Variants in ZNF717 observed in about 807,000 individuals in gnomAD.
The protein encoded by ZNF717 is krueppel-like factor X17.
ZNF717 carries 9 observed loss-of-function variants against 13.8 expected under a neutral mutation model. The observed-to-expected ratio is 0.65, with a 90% confidence interval of 0.39 to 1.14. The LOEUF is 1.14. Ranked by LOEUF, ZNF717 falls within the 50% of genes most tolerant of loss-of-function variation. The probability of loss-of-function intolerance (pLI) is 0.01; values close to 1 mark genes in which losing one functional copy is unlikely to be tolerated. For missense variants in ZNF717, 1,040 were observed against 1,080.7 expected, an observed-to-expected ratio of 0.96 and a Z score of 0.53; for synonymous variants, 327 against 364.1, an observed-to-expected ratio of 0.90 and a Z score of 1.16.
Position 75,741,652 on chromosome 3 carries a change from T to C in ZNF717, c.142A>G (p.Arg48Gly). The change falls in exon 3 of 5, where the codon AGG becomes GGG. Residue 48 changes from arginine (R) to glycine (G), a missense_variant. Physicochemically the swap from Arg to Gly is moderately radical, Grantham distance 125. Around this residue, in one of 3 missense-constraint regions of ZNF717, gnomAD observed 123 missense variants for 177.8 expected, o/e 0.69. Coordinates refer to ENST00000652011, the MANE Select transcript of ZNF717 (RefSeq NM_001290208.3). Reference sequence around the variant, plus strand: ...CTGTAGGTCTCCAGCATCACGTCCCTGTACAGGGTCCTCTGAGCATCATCC... The same window carrying C: ...CTGTAGGTCTCCAGCATCACGTCCCCGTACAGGGTCCTCTGAGCATCATCC... ...DLDDAQRTLYRDVMLETYSSL... is the reference protein window; with the variant it reads ...DLDDAQRTLYGDVMLETYSSL... The C allele has an allele frequency of 6.2e-7, 1 of 1,601,720 alleles. No individual in the cohort carries two copies. The highest frequency in any genetic ancestry group is 1.3e-5 in the African/African-American group (1 of 74,686).
chr3:75,757,643 G>T (rs6797806), intron 2 of ZNF717, among the ~76,000 whole-genome samples: 39,822 of 151,222 alleles, frequency 0.26, 5,709 homozygotes, highest in African/African-American at 0.39. Context: ...AAAGAATAAT[G>T]TCAACTTTCA....
chr3:75,782,148 AG>A (rs1308564787), intron 2 of ZNF717, among the ~76,000 whole-genome samples: 1 of 152,216 alleles, frequency 6.6e-6, no homozygotes, highest in Non-Finnish European at 1.5e-5. Context: ...GACTCGAGTA[AG>A]GCAATCACAG....
intron 2 of ZNF717, among the ~76,000 whole-genome samples, chr3:75,775,128 A>AT (rs113414485): frequency 5.2e-5 from 7 of 134,396 alleles, no homozygotes; most frequent in East Asian, 4.4e-4. Context: ...CACCAGGCTA[A>AT]TTTTTTTTTA....
chr3:75,724,246 C>G (rs1236142407), intron 4 of ZNF717, among the ~76,000 whole-genome samples: 2 of 152,014 alleles, frequency 1.3e-5, no homozygotes, highest in African/African-American at 4.8e-5. Flanking sequence ...CTAGTCTCCA[C>G]GTCTTGGTGG....
intron 2 of ZNF717, among the ~76,000 whole-genome samples, chr3:75,746,901 C>A (rs367675221): frequency 1.3e-5 from 2 of 152,128 alleles, no homozygotes; most frequent in African/African-American, 2.4e-5. Flanking sequence ...GCTTTTGTTG[C>A]CATTGCTTTT....
intron 5 of ZNF717, among the ~76,000 whole-genome samples, chr3:75,715,773 A>G (rs1373396965): frequency 3.3e-5 from 5 of 152,194 alleles, no homozygotes; most frequent in Admixed American, 2.0e-4. Flanking sequence ...AGAGGTATAC[A>G]GAGAACTTAG....
downstream of ZNF717, among the ~76,000 whole-genome samples, chr3:75,707,958 G>A (rs1446221259): frequency 4.6e-5 from 7 of 151,974 alleles, no homozygotes; most frequent in East Asian, 1.9e-4. Flanking sequence ...CGGGAAGCTC[G>A]AACTGGATGG....
intron 2 of ZNF717, among the ~76,000 whole-genome samples, chr3:75,772,337 T>G (rs919449330): frequency 1.3e-5 from 2 of 152,244 alleles, no homozygotes; most frequent in African/African-American, 4.8e-5. Flanking sequence ...CCAGCAGCGC[T>G]GAAAGAGGTG....
intron 2 of ZNF717, among the ~76,000 whole-genome samples, chr3:75,771,392 T>A (rs1020423796): frequency 6.6e-6 from 1 of 152,262 alleles, no homozygotes; most frequent in Non-Finnish European, 1.5e-5. Context: ...GGGGGCTGCC[T>A]GACTCCTGAA....
rs111381670 is a variant in ZNF717, at chr3:75,737,325, G to C, written c.2298C>G (p.Thr766=). 1 of 1,552,618 alleles carries C rather than the reference G, an allele frequency of 6.4e-7. No homozygotes were observed. Among genetic ancestry groups the C allele is most frequent in the Admixed American group, 2.0e-5 (1 of 51,038 alleles). ...KPYECNECGK[T]FCHKSNLSTH... ...TACTGAGGTTTGACTTGTGACAAAA[G>C]GTTTTCCCACACTCATTACATTCAT... The change falls in exon 5 of 5, where the codon ACC becomes ACG. Residue 766 remains threonine (T), a synonymous_variant. Transcript: ENST00000652011.
chr3:75,773,387 A>G (rs1944046473), intron 2 of ZNF717, among the ~76,000 whole-genome samples: 2 of 152,234 alleles, frequency 1.3e-5, no homozygotes, highest in Admixed American at 1.3e-4. Flanking sequence ...GAACATTCCA[A>G]ATGAATAATG....
Position 75,738,893 on chromosome 3 carries a change from T to C in ZNF717, c.730A>G (p.Lys244Glu). Residue 244 changes from lysine to glutamate, a missense_variant, in exon 5 of 5, where the codon AAA becomes GAA. Physicochemically the swap from Lys to Glu is moderately conservative, Grantham distance 56 (BLOSUM62 1). Around this residue, in one of 3 missense-constraint regions of ZNF717, gnomAD observed 873 missense variants for 832.8 expected, o/e 1.05. Transcript: ENST00000652011. ...ATAACAGCTGAGTTATTACAGGCTTTCTCATATTCATTATATTTACCAAAG... is the reference window on the plus strand; with the variant it reads ...ATAACAGCTGAGTTATTACAGGCTTCCTCATATTCATTATATTTACCAAAG... ...QTFGKYNEYEKACNNSAVIVQ... is the reference protein window; with the variant it reads ...QTFGKYNEYEEACNNSAVIVQ... 2 of 1,551,536 alleles carry C rather than the reference T, an allele frequency of 1.3e-6. No individual in the cohort carries two copies. Among genetic ancestry groups the C allele is most frequent in the Admixed American group, 2.0e-5 (1 of 51,004 alleles).
chr3:75,781,056 TAA>T, intron 2 of ZNF717, among the ~76,000 whole-genome samples: 1 of 152,352 alleles, frequency 6.6e-6, no homozygotes, highest in African/African-American at 2.4e-5. Context: ...ATTGAGAAAA[TAA>T]CCAAAGGGAA....
exon 6 of ZNF717, chr3:75,730,345 G>A (rs1307567146): frequency 1.8e-5 from 6 of 333,570 alleles, no homozygotes; most frequent in Non-Finnish European, 2.1e-5. Flanking sequence ...GAATAGGGAA[G>A]CAATAGTTAA....
intron 5 of ZNF717, among the ~76,000 whole-genome samples, chr3:75,714,766 G>GATA (rs1211210075): frequency 6.6e-6 from 1 of 151,978 alleles, no homozygotes; most frequent in African/African-American, 2.4e-5. Flanking sequence ...ATTTATCACA[G>GATA]ATTTAATTAA....
At chr3:75,774,317 A>T (rs1944136836) in intron 2 of ZNF717, among the ~76,000 whole-genome samples, 1 of 152,102 alleles carries the variant, frequency 6.6e-6, no homozygotes, top group Admixed American at 6.5e-5. Context: ...TGAATGACTT[A>T]CGGTGACCTG....
At chr3:75,740,507 C>T (rs1451390600) in intron 4 of ZNF717, among the ~76,000 whole-genome samples, 2 of 151,868 alleles carry the variant, frequency 1.3e-5, no homozygotes, top group Non-Finnish European at 2.9e-5. Context: ...TCAAGCAATC[C>T]TTCCATCTCA....
chr3:75,760,115 G>A (rs945950750), intron 2 of ZNF717, among the ~76,000 whole-genome samples: 9 of 152,086 alleles, frequency 5.9e-5, no homozygotes, highest in African/African-American at 1.7e-4. Context: ...TGCAACCTCC[G>A]CCTCCCAGAT....
chr3:75,707,898 G>A (rs1937838453), downstream of ZNF717, among the ~76,000 whole-genome samples: 1 of 152,382 alleles, frequency 6.6e-6, no homozygotes, highest in South Asian at 2.1e-4. Context: ...AGCAAGGCTG[G>A]GGGAGGGGCG....
Sources: gnomAD v4.1 joint callset for allele counts (sites outside exome capture counted in the v4.1 genomes callset) on GRCh38, gnomAD v4.1.1 for gene constraint, gnomAD v4.1.1 regional missense constraint, MANE v1.5 for transcripts, NCBI Gene and HGNC (gene_info 2026-07-23, HGNC 2026-07-21) for gene names.